OSBPL1A: variants seen among roughly 807,000 people sequenced by gnomAD.
OSBPL1A encodes the protein oxysterol binding protein like 1A.
In OSBPL1A, 80 loss-of-function variants were observed where a neutral mutation model predicts 137.1. The ratio of observed to expected loss-of-function variants is 0.58; its 90% CI spans 0.49 to 0.70. The LOEUF is 0.70. Among genes scored for constraint, OSBPL1A ranks in the 30% least tolerant of loss-of-function variants. The pLI is 0.00. For missense variants in OSBPL1A, 970 were observed against 1,129.4 expected, an observed-to-expected ratio of 0.86 and a Z score of 2.02; for synonymous variants, 365 against 389.7, an observed-to-expected ratio of 0.94 and a Z score of 0.75.
chr18:24,202,749 G>A (rs77031793), intron 17 of OSBPL1A, among the ~76,000 whole-genome samples: 1 of 152,060 alleles, frequency 6.6e-6, no homozygotes. Context: ...TTTTTCCAAC[G>A]GACAAGAAAA....
chr18:24,371,735 C>T (rs1275133259), intron 2 of OSBPL1A, among the ~76,000 whole-genome samples: 3 of 152,200 alleles, frequency 2.0e-5, no homozygotes, highest in Non-Finnish European at 4.4e-5. Flanking sequence ...TCAACCCCCA[C>T]CCATTGCAGA....
chr18:24,377,597 C>T lies in OSBPL1A; in HGVS notation c.-2-62G>A, dbSNP rs1339938228. ...GAACATAATTAGCTTTTAGATATCA[C>T]CTGCTAATACAGAAAGGGGAAAGAA... is the stretch of plus-strand genomic sequence containing the variant. On this transcript the variant is annotated intron_variant, in intron 1 of 27. Coordinates refer to ENST00000319481, the MANE Select transcript of OSBPL1A (RefSeq NM_080597.4). The T allele has an allele frequency of 2.1e-6, 3 of 1,436,364 alleles. No homozygotes were observed. In the South Asian group the frequency reaches 4.2e-5, roughly 20 times the overall value. The allele number at this position is 1,436,364 out of a possible 1,614,324, so 89.0% of individuals were successfully genotyped here.
In OSBPL1A at chr18:24,221,296, T is replaced by C. The variant is rs147707105; in HGVS notation, c.1601+3746A>G. ...TTCATGTGCAGTGACAACTGTTATG[T>C]TACACTCCTCTTTCCTGCGGCTAAG... On this transcript the variant is annotated intron_variant, in intron 17 of 27. Coordinates refer to ENST00000319481, the MANE Select transcript of OSBPL1A (RefSeq NM_080597.4). 7.6e-3 allele frequency among the ~76,000 whole-genome samples: 1,164 copies of C among 152,300 alleles called. 15 individuals carry two copies. The highest frequency in any genetic ancestry group is 0.027 in the African/African-American group (1,125 of 41,574).
At chr18:24,243,372 C>T (rs1270743268) in intron 15 of OSBPL1A, among the ~76,000 whole-genome samples, 7 of 152,180 alleles carry the variant, frequency 4.6e-5, no homozygotes, top group Non-Finnish European at 2.9e-5. Context: ...TCACCCCTGC[C>T]TACCCCATCT....
At chr18:24,369,272 G>C (rs1442769496) in intron 2 of OSBPL1A, among the ~76,000 whole-genome samples, 1 of 152,188 alleles carries the variant, frequency 6.6e-6, no homozygotes, top group African/African-American at 2.4e-5. Flanking sequence ...TCAGATCTTA[G>C]GAGTAGAGCT....
At chr18:24,380,689 C>T (rs1457024134) in intron 1 of OSBPL1A, among the ~76,000 whole-genome samples, 2 of 152,214 alleles carry the variant, frequency 1.3e-5, no homozygotes, top group Admixed American at 1.3e-4. Context: ...CGGTGGCTCA[C>T]GCCTGTAATC....
At chr18:24,207,980 A>G (rs1333024553) in intron 17 of OSBPL1A, among the ~76,000 whole-genome samples, 1 of 152,128 alleles carries the variant, frequency 6.6e-6, no homozygotes, top group Non-Finnish European at 1.5e-5. Context: ...CCTGGCCTCA[A>G]GCTATCCACT....
chr18:24,346,350 TA>T (rs1279140674), intron 4 of OSBPL1A, among the ~76,000 whole-genome samples: 1 of 152,244 alleles, frequency 6.6e-6, no homozygotes, highest in Non-Finnish European at 1.5e-5. Context: ...TTCACCCTGC[TA>T]AAAGTGCACA....
chr18:24,372,279 AAAAAAAAAAG>A (rs1905711787), intron 2 of OSBPL1A, among the ~76,000 whole-genome samples: 1 of 151,752 alleles, frequency 6.6e-6, no homozygotes, highest in South Asian at 2.1e-4. Context: ...TGTCGCAAAA[AAAAAAAAAAG>A]AAAGAAAAAG....
In OSBPL1A at chr18:24,171,582, G is replaced by C; in HGVS notation, c.2202-84C>G. ...AATAACTGTGATCACTTTTCTAGCA[G>C]CAGCTACTGTTTATGGATTTTCTCT... is the stretch of plus-strand genomic sequence containing the variant. On this transcript the variant is annotated intron_variant, in intron 22 of 27. Transcript: ENST00000319481. The C allele has an allele frequency of 3.8e-6, 4 of 1,039,368 alleles. No homozygotes were observed. In the South Asian group the frequency reaches 5.6e-5, roughly 15 times the overall value. 64.4% of individuals were successfully genotyped at this position (1,039,368 alleles called of 1,614,324 possible).
chr18:24,306,017 C>A (rs191340470), intron 13 of OSBPL1A, among the ~76,000 whole-genome samples: 2 of 152,096 alleles, frequency 1.3e-5, no homozygotes, highest in Non-Finnish European at 2.9e-5. Flanking sequence ...AGCATGAGAA[C>A]GAACTAATAC....
Position 24,259,279 on chromosome 18 carries a change from G to A in OSBPL1A, c.1282-19897C>T, listed in dbSNP as rs184421865. On this transcript the variant is annotated intron_variant, in intron 15 of 27. Transcript: ENST00000319481. The stretch of plus-strand genomic sequence containing the variant: ...TATCCTAGTACCTGGAATGGTCCCT[G>A]GAACGTGCTCTACTTAATCAGGATT... Among the ~76,000 whole-genome samples the A allele has an allele frequency of 3.9e-5, 6 of 152,272 alleles. 1 individual carries two copies. The East Asian group carries it at 1.2e-3, about 29-fold the overall frequency.
At chr18:24,387,271 G>T (rs999162224) in intron 1 of OSBPL1A, among the ~76,000 whole-genome samples, 1 of 151,908 alleles carries the variant, frequency 6.6e-6, no homozygotes, top group African/African-American at 2.4e-5. Flanking sequence ...GCCCATGCTG[G>T]TCTTGAATCC....
At position 24,271,998 on chromosome 18, in the gene OSBPL1A, G is replaced by A. The variant is rs2089734335; in HGVS notation, c.1281+8844C>T. 1.0e-6 allele frequency: 1 copy of A among 981,614 alleles called. No homozygotes were observed. Among genetic ancestry groups the A allele is most frequent in the African/African-American group, 1.8e-5 (1 of 56,862 alleles). The allele number at this position is 981,614 out of a possible 1,614,324, so 60.8% of individuals were successfully genotyped here. On this transcript the variant is annotated intron_variant, in intron 15 of 27. Transcript: ENST00000319481. This position sits in a 1 kb window ranked among gnomAD's most constrained non-coding sequence, Gnocchi z 4.0. ...GGAGAGCGCGGGCGGGCGGCGGCAA[G>A]GCCTGCGGCGGGCGGCTCCCTGCGC...
chr18:24,235,643 T>C (rs753776653), intron 16 of OSBPL1A, among the ~76,000 whole-genome samples: 1 of 152,022 alleles, frequency 6.6e-6, no homozygotes, highest in East Asian at 1.9e-4. Context: ...CCAGGAGAAA[T>C]AGTATCTGGG....
chr18:24,328,662 A>T lies in OSBPL1A; in HGVS notation c.625+4280T>A, dbSNP rs145693484. Among the ~76,000 whole-genome samples, 908 of 152,214 alleles carry T rather than the reference A, an allele frequency of 6.0e-3. 7 individuals are homozygous for T. Among genetic ancestry groups the T allele is most frequent in the South Asian group, 0.023 (109 of 4,824 alleles). On this transcript the variant is annotated intron_variant, in intron 7 of 27. Transcript: ENST00000319481. Reference sequence around the variant, plus strand: ...GTGAGGACAACACAGTGAACCAGAGAGCCTCCAGGACAGTTCATTATGTGT... The same window carrying T: ...GTGAGGACAACACAGTGAACCAGAGTGCCTCCAGGACAGTTCATTATGTGT...
At chr18:24,340,029 G>T (rs1481234245) in intron 5 of OSBPL1A, among the ~76,000 whole-genome samples, 2 of 152,076 alleles carry the variant, frequency 1.3e-5, no homozygotes, top group Non-Finnish European at 2.9e-5. Flanking sequence ...AAATTATATT[G>T]CCTTTCTCTG....
Position 24,377,396 on chromosome 18 carries a change from A to G in OSBPL1A, c.121+17T>C, listed in dbSNP as rs2146205295. 6.3e-7 allele frequency: 1 copy of G among 1,597,606 alleles called. No homozygotes were observed. Reference sequence around the variant, plus strand: ...CAGACTCATAAGAGAAAGCTACAAAATCCATTCAAAGTTTACCTTTGCAAT... The same window carrying G: ...CAGACTCATAAGAGAAAGCTACAAAGTCCATTCAAAGTTTACCTTTGCAAT... On this transcript the variant is annotated intron_variant, in intron 2 of 27. Transcript: ENST00000319481.
intron 5 of OSBPL1A, among the ~76,000 whole-genome samples, chr18:24,337,570 CAAA>C (rs1225881914): frequency 1.2e-5 from 1 of 84,448 alleles, no homozygotes. Flanking sequence ...AACTCTGTCT[CAAA>C]AAAAAAAAAA....
Sources: gnomAD v4.1 joint callset for allele counts (sites outside exome capture counted in the v4.1 genomes callset) on GRCh38, gnomAD v4.1.1 for gene constraint, Gnocchi (gnomAD v3.1) non-coding constraint, MANE v1.5 for transcripts, NCBI Gene and HGNC (gene_info 2026-07-23, HGNC 2026-07-21) for gene names.